The following ARL9 variants were observed in gnomAD, a reference collection of about 807,000 sequenced individuals.
ARL9 encodes ADP-ribosylation factor-like protein 9.
A neutral mutation model predicts 27.0 loss-of-function variants in ARL9; 14 were observed. The observed-to-expected ratio is 0.52, with a 90% CI of 0.34 to 0.81. The LOEUF (loss-of-function observed/expected upper bound fraction) is 0.81. Ranked by LOEUF, ARL9 falls within the 30% of genes least tolerant of loss-of-function variation. The probability of loss-of-function intolerance (pLI) is 0.01; values close to 1 mark genes in which losing one functional copy is unlikely to be tolerated. For synonymous variants in ARL9, 106 were observed against 108.7 expected, an observed-to-expected ratio of 0.98 and a Z score of 0.15; for missense variants, 294 against 290.0, an observed-to-expected ratio of 1.01 and a Z score of -0.10.
intron 3 of ARL9, among the ~76,000 whole-genome samples, chr4:56,522,216 T>C (rs567913665): frequency 6.6e-6 from 1 of 151,794 alleles, no homozygotes; most frequent in East Asian, 1.9e-4. Context: ...AGGTCAGGAG[T>C]TCGAGACCAG....
chr4:56,510,892 C>T (rs1440083797), intron 1 of ARL9, among the ~76,000 whole-genome samples: 1 of 151,806 alleles, frequency 6.6e-6, no homozygotes, highest in Non-Finnish European at 1.5e-5. Flanking sequence ...GTGCCTCAGC[C>T]TCCCAAGTAG....
chr4:56,506,127 C>G lies in ARL9; in HGVS notation c.265C>G (p.Pro89Ala). 1 of 1,233,436 alleles carries G rather than the reference C, an allele frequency of 8.1e-7. No homozygotes were observed. Among genetic ancestry groups the G allele is most frequent in the Non-Finnish European group, 1.0e-6 (1 of 989,052 alleles). The allele number at this position is 1,233,436 out of a possible 1,614,324, so 76.4% of individuals were successfully genotyped here. ...ENKDSTLTRT[P>A]LEPLEKNKQI... The stretch of plus-strand genomic sequence containing the variant: ...CAAGGACAGCACCTTGACAAGGACC[C>G]CGCTCGAGCCGCTGGTAAGAGACCC... Residue 89 changes from proline (P) to alanine (A), a missense_variant, in exon 1 of 4, where the codon CCG becomes GCG. By Grantham distance (27) the Pro-to-Ala change is conservative (BLOSUM62 -1). Transcript: ENST00000640821.
rs762061099 is a variant in ARL9 at position 56,518,720 on chromosome 4, T to C, written c.485T>C (p.Leu162Pro). ...TTTCGGTCCTACTGGGAAATGTACCTATCCAAGGGATTGCTGCTGATCTTT... is the reference window on the plus strand; with the variant it reads ...TTTCGGTCCTACTGGGAAATGTACCCATCCAAGGGATTGCTGCTGATCTTT... ...KPFRSYWEMY[L>P]SKGLLLIFVV... The change falls in exon 3 of 4, where the codon CTA becomes CCA. Residue 162 changes from leucine to proline, a missense_variant. Physicochemically the swap from Leu to Pro is moderately conservative, Grantham distance 98 (BLOSUM62 -3). Coordinates refer to ENST00000640821, the MANE Select transcript of ARL9 (RefSeq NM_001363794.2). 6.2e-7 allele frequency: 1 copy of C among 1,613,932 alleles called. No homozygotes were observed. The highest frequency in any genetic ancestry group is 8.5e-7 in the Non-Finnish European group (1 of 1,179,854).
intron 2 of ARL9, among the ~76,000 whole-genome samples, chr4:56,513,813 GC>G (rs1721702931): frequency 6.6e-6 from 1 of 152,122 alleles, no homozygotes; most frequent in South Asian, 2.1e-4. Context: ...CCAGTCAGTA[GC>G]TCCCCCAGTT....
intron 2 of ARL9, among the ~76,000 whole-genome samples, chr4:56,512,273 T>C (rs1721656090): frequency 1.3e-5 from 2 of 152,208 alleles, no homozygotes; most frequent in Non-Finnish European, 2.9e-5. Flanking sequence ...GTACATCATT[T>C]GCTAATTTAA....
At chr4:56,517,745 G>A (rs944781436) in intron 2 of ARL9, among the ~76,000 whole-genome samples, 6 of 151,894 alleles carry the variant, frequency 4.0e-5, no homozygotes, top group South Asian at 2.1e-4. Flanking sequence ...AGTTTATTCC[G>A]TGAAGAATCA....
At chr4:56,518,986 T>C (rs1721844600) in intron 3 of ARL9, 133 bp downstream of exon 3, 1 of 868,930 alleles carries the variant, frequency 1.2e-6, no homozygotes, top group Non-Finnish European at 1.7e-6. Context: ...TCTTGGATTA[T>C]AAACACCTTG....
chr4:56,518,765 A>T lies in ARL9; in HGVS notation c.530A>T (p.His177Leu). The change falls in exon 3 of 4, where the codon CAC becomes CTC. Residue 177 changes from histidine (H) to leucine (L), a missense_variant. Coordinates refer to ENST00000640821, the MANE Select transcript of ARL9 (RefSeq NM_001363794.2). ...LLIFVVDSAD[H>L]SRLPEAKKYL... ...ATCTTTGTGGTGGATTCAGCAGATC[A>T]CAGCCGATTACCTGAAGCCAAGAAA... The T allele has an allele frequency of 6.2e-7, 1 of 1,614,030 alleles. No homozygotes were observed.
At chr4:56,522,096 GA>G (rs1476689639) in intron 3 of ARL9, among the ~76,000 whole-genome samples, 4 of 151,264 alleles carry the variant, frequency 2.6e-5, no homozygotes, top group Non-Finnish European at 5.9e-5. Context: ...AGCACATCAG[GA>G]AAAGCCCCAC....
intron 2 of ARL9, among the ~76,000 whole-genome samples, chr4:56,516,540 A>G (rs1323864937): frequency 6.7e-6 from 1 of 150,174 alleles, no homozygotes; most frequent in African/African-American, 2.4e-5. Context: ...AAGTGAACAT[A>G]TGAAAAATAC....
chr4:56,513,554 GT>G (rs1369077964), intron 2 of ARL9, among the ~76,000 whole-genome samples: 2 of 151,984 alleles, frequency 1.3e-5, no homozygotes, highest in Non-Finnish European at 2.9e-5. Context: ...CTTGCAACAA[GT>G]TAGACAAATT....
intron 3 of ARL9, among the ~76,000 whole-genome samples, chr4:56,519,694 C>T (rs922332444): frequency 1.3e-5 from 2 of 152,024 alleles, no homozygotes; most frequent in Non-Finnish European, 2.9e-5. Context: ...AATTGATGTT[C>T]ATATGTTTGG....
intron 2 of ARL9, among the ~76,000 whole-genome samples, chr4:56,514,326 T>A (rs1026749145): frequency 6.6e-6 from 1 of 151,634 alleles, no homozygotes; most frequent in Non-Finnish European, 1.5e-5. Context: ...CCAAAGAGGG[T>A]AGAGGGGGAG....
chr4:56,514,567 T>C (rs1248439379), intron 2 of ARL9, among the ~76,000 whole-genome samples: 1 of 152,206 alleles, frequency 6.6e-6, no homozygotes, highest in East Asian at 1.9e-4. Flanking sequence ...CCAATAGATA[T>C]AAAGTCCTGG....
At chr4:56,515,833 G>T (rs1721753608) in intron 2 of ARL9, among the ~76,000 whole-genome samples, 1 of 152,166 alleles carries the variant, frequency 6.6e-6, no homozygotes, top group Admixed American at 6.5e-5. Flanking sequence ...CAGTTTTCAT[G>T]AATAGGTAGA....
chr4:56,506,277 T>C (rs1466355828), intron 1 of ARL9, 136 bp downstream of exon 1: 1 of 948,176 alleles, frequency 1.1e-6, no homozygotes, highest in Non-Finnish European at 1.4e-6. Context: ...TATTTACCTA[T>C]GGATGAAAGA....
chr4:56,517,097 A>C (rs577644089), intron 2 of ARL9, among the ~76,000 whole-genome samples: 7 of 152,308 alleles, frequency 4.6e-5, no homozygotes, highest in African/African-American at 1.7e-4. Context: ...GCTTGTATGG[A>C]CCTCAGGAGA....
At chr4:56,518,975 C>A in intron 3 of ARL9, 122 bp downstream of exon 3, 2 of 986,784 alleles carry the variant, frequency 2.0e-6, no homozygotes, top group Non-Finnish European at 2.9e-6. Flanking sequence ...TTTATTAGAG[C>A]TCTTGGATTA....
At chr4:56,516,882 T>C (rs1306690921) in intron 2 of ARL9, among the ~76,000 whole-genome samples, 1 of 151,972 alleles carries the variant, frequency 6.6e-6, no homozygotes, top group Non-Finnish European at 1.5e-5. Flanking sequence ...TGAGTGGAGA[T>C]TGCACCACTG....
Sources: allele counts gnomAD v4.1 joint callset (sites outside exome capture counted in the v4.1 genomes callset), GRCh38; gene constraint gnomAD v4.1.1; transcripts MANE v1.5; gene names NCBI Gene and HGNC (gene_info 2026-07-23, HGNC 2026-07-21).